SEM1: variants seen among roughly 807,000 people sequenced by gnomAD.
SEM1 encodes the protein 26S proteasome complex subunit SEM1.
In SEM1, 3 loss-of-function variants were observed where a neutral mutation model predicts 12.7. That is an observed-to-expected ratio of 0.24 (90% confidence interval 0.11 to 0.61). The LOEUF is 0.61. SEM1 is among the 20% of genes least tolerant of loss of function. SEM1 has a pLI of 0.88. For missense variants in SEM1, 59 were observed against 81.3 expected (o/e 0.73, Z 1.06); for synonymous variants, 30 against 27.8 (o/e 1.08, Z -0.25).
At chr7:96,585,530 G>A (rs540650836) in intron 2 of SEM1, among the ~76,000 whole-genome samples, 9 of 152,378 alleles carry the variant, frequency 5.9e-5, no homozygotes, top group South Asian at 4.1e-4. Flanking sequence ...GTTTACCTAA[G>A]CAAGCCTGGG....
upstream of SEM1, among the ~76,000 whole-genome samples, chr7:96,498,840 A>G (rs1241725095): frequency 6.6e-6 from 1 of 152,166 alleles, no homozygotes; most frequent in Non-Finnish European, 1.5e-5. Context: ...CAAAGGTCAT[A>G]CAAAGTATTT....
intron 2 of SEM1, among the ~76,000 whole-genome samples, chr7:96,636,876 G>C (rs553714037): frequency 1.1e-4 from 17 of 152,160 alleles, no homozygotes; most frequent in African/African-American, 3.6e-4. Flanking sequence ...TCATGGTAAA[G>C]TCCACCTGGT....
intron 2 of SEM1, among the ~76,000 whole-genome samples, chr7:96,556,550 C>G (rs901129344): frequency 6.6e-6 from 1 of 152,046 alleles, no homozygotes; most frequent in African/African-American, 2.4e-5. Flanking sequence ...GGGTTTCTGC[C>G]GAGAAATCCG....
At chr7:96,677,188 C>T (rs915323093) in intron 2 of SEM1, among the ~76,000 whole-genome samples, 1 of 152,108 alleles carries the variant, frequency 6.6e-6, no homozygotes, top group Non-Finnish European at 1.5e-5. Flanking sequence ...TGCTTCACAG[C>T]CCTAAGAGGC....
chr7:96,563,611 T>C (rs925931349), intron 2 of SEM1, among the ~76,000 whole-genome samples: 4 of 152,158 alleles, frequency 2.6e-5, no homozygotes, highest in African/African-American at 9.7e-5. Flanking sequence ...TTTATGCTAG[T>C]CAGCGATTTT....
intron 2 of SEM1, among the ~76,000 whole-genome samples, chr7:96,519,614 C>G (rs1271023441): frequency 6.6e-6 from 1 of 152,028 alleles, no homozygotes; most frequent in Non-Finnish European, 1.5e-5. Context: ...ATGTTAATAT[C>G]TGGTGACAGA....
At chr7:96,508,749 CA>C (rs888466974) in intron 2 of SEM1, among the ~76,000 whole-genome samples, 2 of 152,002 alleles carry the variant, frequency 1.3e-5, no homozygotes, top group African/African-American at 4.8e-5. Context: ...AGAATGTGGT[CA>C]AAGAAAATCA....
At chr7:96,560,110 G>T (rs1805646123) in intron 2 of SEM1, among the ~76,000 whole-genome samples, 1 of 151,708 alleles carries the variant, frequency 6.6e-6, no homozygotes, top group Admixed American at 6.6e-5. Flanking sequence ...GGTTGCTTCA[G>T]ATTCCTATTA....
At chr7:96,532,314 A>G (rs1261397469) in intron 2 of SEM1, among the ~76,000 whole-genome samples, 1 of 151,148 alleles carries the variant, frequency 6.6e-6, no homozygotes, top group Non-Finnish European at 1.5e-5. Context: ...GAAAAGTTTG[A>G]AAAAAAAACC....
chr7:96,677,185 C>A (rs1294715588), intron 2 of SEM1, among the ~76,000 whole-genome samples: 1 of 152,140 alleles, frequency 6.6e-6, no homozygotes, highest in African/African-American at 2.4e-5. Context: ...CAGTGCTTCA[C>A]AGCCCTAAGA....
At chr7:96,622,661 T>C in intron 2 of SEM1, 4 of 763,802 alleles carry the variant, frequency 5.2e-6, no homozygotes, top group Non-Finnish European at 9.6e-6. Context: ...AATTAGAAAG[T>C]AGGTGAAGGT....
chr7:96,616,762 A>G (rs1319189333), intron 2 of SEM1, among the ~76,000 whole-genome samples: 2 of 152,116 alleles, frequency 1.3e-5, no homozygotes, highest in Non-Finnish European at 2.9e-5. Context: ...ATTATTCTAC[A>G]TATGGCTATC....
At chr7:96,530,655 G>A (rs1395345943) in intron 2 of SEM1, among the ~76,000 whole-genome samples, 1 of 152,108 alleles carries the variant, frequency 6.6e-6, no homozygotes, top group East Asian at 1.9e-4. Flanking sequence ...TTTCTCTAGT[G>A]GCCAAAGACC....
chr7:96,511,014 C>T (rs1399273604), intron 2 of SEM1, among the ~76,000 whole-genome samples: 1 of 152,112 alleles, frequency 6.6e-6, no homozygotes, highest in Non-Finnish European at 1.5e-5. Flanking sequence ...ACTGGAACCA[C>T]CATCAGTCTG....
At chr7:96,530,651 T>C (rs866496728) in intron 2 of SEM1, among the ~76,000 whole-genome samples, 1 of 152,106 alleles carries the variant, frequency 6.6e-6, no homozygotes. Flanking sequence ...TCCATTTCTC[T>C]AGTGGCCAAA....
At chr7:96,547,197 T>C (rs1323562245) in intron 2 of SEM1, among the ~76,000 whole-genome samples, 1 of 152,174 alleles carries the variant, frequency 6.6e-6, no homozygotes, top group African/African-American at 2.4e-5. Flanking sequence ...ATTTTAGAAT[T>C]GATGCTTCTT....
exon 3 of SEM1, chr7:96,673,616 A>G: frequency 1.6e-6 from 1 of 631,008 alleles, no homozygotes; most frequent in Non-Finnish European, 2.9e-6. Flanking sequence ...TTTGCCTGAA[A>G]TGCTGTAGCA....
upstream of SEM1, among the ~76,000 whole-genome samples, chr7:96,497,802 A>G (rs1031398824): frequency 6.6e-6 from 1 of 152,176 alleles, no homozygotes; most frequent in African/African-American, 2.4e-5. Flanking sequence ...TTAATGACCA[A>G]AGTATTTCCA....
At chr7:96,525,647 A>T (rs1349562429) in intron 2 of SEM1, among the ~76,000 whole-genome samples, 1 of 152,058 alleles carries the variant, frequency 6.6e-6, no homozygotes, top group Non-Finnish European at 1.5e-5. Flanking sequence ...TCTCCAAGTG[A>T]TCCTATAAAG....
Sources: gnomAD v4.1 joint callset for allele counts (sites outside exome capture counted in the v4.1 genomes callset) on GRCh38, gnomAD v4.1.1 for gene constraint, MANE v1.5 for transcripts, NCBI Gene and HGNC (gene_info 2026-07-23, HGNC 2026-07-21) for gene names.